The following HIBCH variants were observed in gnomAD, a reference collection of about 807,000 sequenced individuals.
HIBCH encodes 3-hydroxyisobutyryl-CoA hydrolase, mitochondrial.
In HIBCH, 50 loss-of-function variants were observed where a neutral mutation model predicts 58.2. That is an observed-to-expected ratio of 0.86 (90% confidence interval 0.68 to 1.09). The LOEUF (loss-of-function observed/expected upper bound fraction) is 1.09. Among genes scored for constraint, HIBCH ranks in the 50% least tolerant of loss-of-function variants. The pLI, the probability that HIBCH is intolerant of heterozygous loss-of-function variation, is 0.00. For synonymous variants in HIBCH, 151 were observed against 146.9 expected (o/e 1.03, Z -0.20); for missense variants, 450 against 449.7 (o/e 1.00, Z -0.01).
Position 190,204,732 on chromosome 2 carries a change from A to G in HIBCH, c.*385T>C, listed in dbSNP as rs1690346203. 2 of 218,188 alleles carry G rather than the reference A, an allele frequency of 9.2e-6. No individual in the cohort carries two copies. Among genetic ancestry groups the G allele is most frequent in the Non-Finnish European group, 1.8e-5 (2 of 108,426 alleles). 13.5% of individuals were successfully genotyped at this position (218,188 alleles called of 1,614,324 possible). On this transcript the variant is annotated 3_prime_UTR_variant, in exon 14 of 14. Transcript: ENST00000359678. Reference sequence around the variant, plus strand: ...CGAAGATCCCATTTCAATTAGATATACCACTCAAGAGAATCTCCAAAGATC... The same window carrying G: ...CGAAGATCCCATTTCAATTAGATATGCCACTCAAGAGAATCTCCAAAGATC...
At chr2:190,218,217 A>G (rs899722474) in intron 11 of HIBCH, among the ~76,000 whole-genome samples, 8 of 152,098 alleles carry the variant, frequency 5.3e-5, no homozygotes, top group Non-Finnish European at 2.9e-5. Flanking sequence ...GGCCCTCTCA[A>G]AAAAATCTCT....
rs1687636121 is a variant in HIBCH, at chr2:190,279,054, T to C, written c.438+8532A>G. Among the ~76,000 whole-genome samples the C allele has an allele frequency of 6.6e-6, 1 of 152,232 alleles. No homozygotes were observed. The highest frequency in any genetic ancestry group is 2.4e-5 in the African/African-American group (1 of 41,466). ...CTTCTGGAGATTGGGAAAGCCAAGGTTGAAGGGCCATATCTGTTGAGGGCC... is the reference window on the plus strand; with the variant it reads ...CTTCTGGAGATTGGGAAAGCCAAGGCTGAAGGGCCATATCTGTTGAGGGCC... On this transcript the variant is annotated intron_variant, in intron 6 of 13. Transcript: ENST00000359678. This position sits in a 1 kb window ranked among gnomAD's most constrained non-coding sequence, Gnocchi z 4.2.
chr2:190,216,975 G>A lies in HIBCH; in HGVS notation c.892-3900C>T, dbSNP rs566705624. On this transcript the variant is annotated intron_variant, in intron 11 of 13. Transcript: ENST00000359678. The surrounding 1 kb of genome is among the most constrained non-coding windows in gnomAD (Gnocchi z 4.2). ...TACAGCTCTCCGCCTGCCAGGGAGA[G>A]GAATGGTGTCTTCAAAGCAAACAAT... 6.2e-4 allele frequency among the ~76,000 whole-genome samples: 94 copies of A among 152,346 alleles called. No individual in the cohort carries two copies. The highest frequency in any genetic ancestry group is 3.7e-3 in the Admixed American group (56 of 15,304).
chr2:190,244,130 A>AATAT (rs72093680), intron 11 of HIBCH, among the ~76,000 whole-genome samples: 6 of 149,972 alleles, frequency 4.0e-5, no homozygotes, highest in East Asian at 2.0e-4. Context: ...TGTGGAGCCT[A>AATAT]ATATATATAT....
At chr2:190,192,452 C>CGTG (rs1553490003) in intron 1 of HIBCH, among the ~76,000 whole-genome samples, 4 of 145,356 alleles carry the variant, frequency 2.8e-5, no homozygotes, top group African/African-American at 1.0e-4. Context: ...AATTCAGAAT[C>CGTG]TGTGTGTGTG....
chr2:190,273,046 C>G (rs1362652598), intron 6 of HIBCH, among the ~76,000 whole-genome samples: 1 of 152,132 alleles, frequency 6.6e-6, no homozygotes, highest in East Asian at 1.9e-4. Flanking sequence ...AAAAAAAGCT[C>G]ATTAAGAAAC....
chr2:190,248,465 G>A (rs1008678904), intron 9 of HIBCH, among the ~76,000 whole-genome samples: 5 of 152,152 alleles, frequency 3.3e-5, no homozygotes, highest in Non-Finnish European at 7.3e-5. Flanking sequence ...TACTTCATCA[G>A]TCTCTACTGT....
At chr2:190,213,729 A>G (rs1488445885) in intron 11 of HIBCH, 1 of 152,588 alleles carries the variant, frequency 6.6e-6, no homozygotes, top group East Asian at 1.9e-4. Flanking sequence ...TGTGGGCTGC[A>G]ACAAAATGCA....
At chr2:190,284,878 GTTTTTACT>G (rs1687790901) in intron 6 of HIBCH, among the ~76,000 whole-genome samples, 2 of 151,970 alleles carry the variant, frequency 1.3e-5, no homozygotes, top group Admixed American at 1.3e-4. Context: ...GGGAGTATTT[GTTTTTACT>G]TAAAGTCTTA....
At chr2:190,294,156 G>C (rs1255135663) in intron 4 of HIBCH, among the ~76,000 whole-genome samples, 2 of 151,410 alleles carry the variant, frequency 1.3e-5, no homozygotes, top group Non-Finnish European at 2.9e-5. Context: ...GTGAGAGCAT[G>C]TCATATTTGA....
intron 1 of HIBCH, among the ~76,000 whole-genome samples, chr2:190,196,756 T>C (rs548873551): frequency 6.6e-6 from 1 of 152,226 alleles, no homozygotes; most frequent in African/African-American, 2.4e-5. Context: ...CTTTATTGGA[T>C]ATAGCCATGC....
At chr2:190,221,498 C>A (rs1575701763) in intron 11 of HIBCH, among the ~76,000 whole-genome samples, 1 of 152,168 alleles carries the variant, frequency 6.6e-6, no homozygotes, top group Non-Finnish European at 1.5e-5. Context: ...TGGCAGCATA[C>A]AAATTTTACA....
chr2:190,239,752 T>C (rs774389405), intron 11 of HIBCH, among the ~76,000 whole-genome samples: 6 of 150,484 alleles, frequency 4.0e-5, no homozygotes, highest in African/African-American at 1.2e-4. Flanking sequence ...TGGGCTCAAC[T>C]GATTCTCCTG....
intron 7 of HIBCH, among the ~76,000 whole-genome samples, chr2:190,253,509 CA>C (rs1315336832): frequency 3.3e-5 from 5 of 152,158 alleles, no homozygotes; most frequent in Admixed American, 1.3e-4. Flanking sequence ...AATCTTCCTC[CA>C]GCATCACCTA....
rs1685574712 is a variant in HIBCH at position 190,217,062 on chromosome 2, C to T, written c.892-3987G>A. Reference sequence around the variant, plus strand: ...ATGAAAGTGCCCCTCAGGAAAGGTGCCACAGGCTGTTAGCTCTTCAAACCA... The same window carrying T: ...ATGAAAGTGCCCCTCAGGAAAGGTGTCACAGGCTGTTAGCTCTTCAAACCA... On this transcript the variant is annotated intron_variant, in intron 11 of 13. Coordinates refer to ENST00000359678, the MANE Select transcript of HIBCH (RefSeq NM_014362.4). The surrounding 1 kb of genome is among the most constrained non-coding windows in gnomAD (Gnocchi z 4.6). Among the ~76,000 whole-genome samples the T allele has an allele frequency of 6.6e-6, 1 of 152,228 alleles. No homozygotes were observed. Among genetic ancestry groups the T allele is most frequent in the African/African-American group, 2.4e-5 (1 of 41,462 alleles).
At chr2:190,244,784 G>A in intron 11 of HIBCH, 103 bp downstream of exon 11, 1 of 814,024 alleles carries the variant, frequency 1.2e-6, no homozygotes, top group South Asian at 1.3e-5. Flanking sequence ...CACAATGCAT[G>A]GGCTATGTCA....
At position 190,263,706 on chromosome 2, in the gene HIBCH, A is replaced by C. The variant is rs1325468687; in HGVS notation, c.439-2472T>G. Among the ~76,000 whole-genome samples the C allele has an allele frequency of 2.6e-5, 4 of 152,198 alleles. No homozygotes were observed. In the East Asian group the frequency reaches 5.8e-4, roughly 22 times the overall value. On this transcript the variant is annotated intron_variant, in intron 6 of 13. Coordinates refer to ENST00000359678, the MANE Select transcript of HIBCH (RefSeq NM_014362.4). ...AAAGTAAATCTCTTGATTTCTCCTTAAGTGTGCTCCTCTCTCTGTCTTCAT... is the reference window on the plus strand; with the variant it reads ...AAAGTAAATCTCTTGATTTCTCCTTCAGTGTGCTCCTCTCTCTGTCTTCAT...
chr2:190,275,295 A>C (rs1188182041), intron 6 of HIBCH, among the ~76,000 whole-genome samples: 2 of 152,210 alleles, frequency 1.3e-5, no homozygotes, highest in Non-Finnish European at 2.9e-5. Context: ...TACATGTATG[A>C]AACAAAAATT....
chr2:190,223,294 C>T (rs1685781392), intron 11 of HIBCH, among the ~76,000 whole-genome samples: 1 of 152,154 alleles, frequency 6.6e-6, no homozygotes, highest in Non-Finnish European at 1.5e-5. Flanking sequence ...GAGACAGGGT[C>T]TTGCTATGTT....
Sources: gnomAD v4.1 joint callset for allele counts (sites outside exome capture counted in the v4.1 genomes callset) on GRCh38, gnomAD v4.1.1 for gene constraint, Gnocchi (gnomAD v3.1) non-coding constraint, MANE v1.5 for transcripts, NCBI Gene and HGNC (gene_info 2026-07-23, HGNC 2026-07-21) for gene names.